Variants in CDC27 observed in about 807,000 individuals in gnomAD.
CDC27 encodes cell division cycle protein 27 homolog.
Under a neutral mutation model 109.7 loss-of-function variants are expected in CDC27, and 27 were observed. The observed-to-expected ratio is 0.25, with a 90% confidence interval of 0.18 to 0.34. CDC27 has a LOEUF of 0.34. CDC27 is among the 10% of genes least tolerant of loss of function. CDC27 has a pLI of 1.00. For synonymous variants in CDC27, 266 were observed against 333.9 expected (o/e 0.80, Z 2.22); for missense variants, 579 against 960.2 (o/e 0.60, Z 5.25).
At chr17:47,173,597 A>G (rs907963791) in intron 2 of CDC27, among the ~76,000 whole-genome samples, 4 of 152,184 alleles carry the variant, frequency 2.6e-5, no homozygotes, top group Admixed American at 2.6e-4. Flanking sequence ...TGCTGTCTCA[A>G]TTGTTTACAA....
intron 9 of CDC27, among the ~76,000 whole-genome samples, chr17:47,146,421 A>G (rs2062960902): frequency 6.6e-6 from 1 of 152,238 alleles, no homozygotes; most frequent in African/African-American, 2.4e-5. Flanking sequence ...AGTTAGCATC[A>G]GAATTACATT....
rs138789655 is a variant in CDC27, at chr17:47,154,760, G to C, written c.869C>G (p.Pro290Arg). 3.0e-5 allele frequency: 48 copies of C among 1,605,934 alleles called. No individual in the cohort carries two copies. The highest frequency in any genetic ancestry group is 8.5e-6 in the Non-Finnish European group (10 of 1,173,486). ...PSFGILPLET[P>R]SPGDGSYLQN... ...TAAATAGGATCCATCTCCAGGACTT[G>C]GGGTTTCTAATGGCAAAATCCCAAA... The change falls in exon 8 of 19, where the codon CCA becomes CGA. Residue 290 changes from proline (P) to arginine (R), a missense_variant. By Grantham distance (103) the Pro-to-Arg change is moderately radical. Transcript: ENST00000066544.
At chr17:47,165,905 A>G (rs933561580) in intron 4 of CDC27, among the ~76,000 whole-genome samples, 3 of 152,230 alleles carry the variant, frequency 2.0e-5, no homozygotes, top group Admixed American at 2.0e-4. Flanking sequence ...GCTAAAAAGG[A>G]TATCATTCCT....
At chr17:47,143,618 T>C (rs1317290407) in intron 10 of CDC27, among the ~76,000 whole-genome samples, 1 of 152,184 alleles carries the variant, frequency 6.6e-6, no homozygotes, top group Non-Finnish European at 1.5e-5. Flanking sequence ...CTGTTGTCCA[T>C]TCCTATAATT....
At chr17:47,146,629 C>A (rs528229881) in intron 9 of CDC27, among the ~76,000 whole-genome samples, 2 of 152,082 alleles carry the variant, frequency 1.3e-5, no homozygotes, top group Middle Eastern at 3.2e-3. Context: ...CAAGATTAGT[C>A]CAGACTAAGG....
chr17:47,143,830 T>C (rs1404627894), intron 10 of CDC27, 53 bp downstream of exon 10: 1 of 793,932 alleles, frequency 1.3e-6, no homozygotes, highest in Middle Eastern at 2.5e-4. Context: ...TGAACAGAAA[T>C]GTTAGCAGGC....
chr17:47,124,183 A>ACACACG (rs1352684807), intron 16 of CDC27, among the ~76,000 whole-genome samples: 4 of 151,026 alleles, frequency 2.6e-5, no homozygotes, highest in Admixed American at 2.6e-4. Flanking sequence ...CTGAAAACAC[A>ACACACG]CACACACACA....
In CDC27 at chr17:47,158,303, G is replaced by C. The variant is rs745362489; in HGVS notation, c.378C>G (p.Cys126Trp). ...FTLSLLGHVY[C>W]KTDRLAKGSE... ...ATCCTTTGGCAAGCCGATCTGTCTT[G>C]CTGTGGAGAGAAACAAGTAGATTAA... The change falls in exon 5 of 19, where the codon TGC becomes TGG. Residue 126 changes from cysteine (C) to tryptophan (W), a missense_variant and splice_region_variant. Coordinates refer to ENST00000066544, the MANE Select transcript of CDC27 (RefSeq NM_001256.6). 1 of 1,508,416 alleles carries C rather than the reference G, an allele frequency of 6.6e-7. No homozygotes were observed. The highest frequency in any genetic ancestry group is 2.2e-5 in the Admixed American group (1 of 46,448). 93.4% of individuals were successfully genotyped at this position (1,508,416 alleles called of 1,614,324 possible).
At chr17:47,158,162 A>G in intron 5 of CDC27, 44 bp downstream of exon 5, 1 of 768,100 alleles carries the variant, frequency 1.3e-6, no homozygotes, top group Non-Finnish European at 2.0e-6. Context: ...GAAAAAAAGA[A>G]GAGGAGATGG....
At chr17:47,169,164 A>AT (rs1445437802) in intron 4 of CDC27, among the ~76,000 whole-genome samples, 1 of 150,634 alleles carries the variant, frequency 6.6e-6, no homozygotes, top group Non-Finnish European at 1.5e-5. Context: ...CTAATTTTTT[A>AT]TTTTTTTGTA....
At chr17:47,125,102 A>T (rs1384125653) in intron 16 of CDC27, among the ~76,000 whole-genome samples, 1 of 151,452 alleles carries the variant, frequency 6.6e-6, no homozygotes, top group Non-Finnish European at 1.5e-5. Context: ...TATTTTTAGT[A>T]GAGATGGGGT....
At chr17:47,157,149 T>A in intron 6 of CDC27, 25 bp from the exon 7 acceptor site, 1 of 1,541,898 alleles carries the variant, frequency 6.5e-7, no homozygotes, top group Non-Finnish European at 8.8e-7. Flanking sequence ...TTCTACCAAG[T>A]CATTCACAAT....
chr17:47,153,742 TG>T (rs1318143508), intron 8 of CDC27, among the ~76,000 whole-genome samples: 2 of 152,148 alleles, frequency 1.3e-5, no homozygotes, highest in Non-Finnish European at 2.9e-5. Context: ...TTTTTAAAAA[TG>T]GTATTTTGGC....
chr17:47,157,740 A>G (rs1473902506), intron 5 of CDC27, among the ~76,000 whole-genome samples: 1 of 152,234 alleles, frequency 6.6e-6, no homozygotes, highest in Non-Finnish European at 1.5e-5. Context: ...CATATTTTAC[A>G]GTAAAGGTTG....
At chr17:47,186,632 A>C (rs1281321402) in intron 1 of CDC27, among the ~76,000 whole-genome samples, 1 of 152,228 alleles carries the variant, frequency 6.6e-6, no homozygotes, top group East Asian at 1.9e-4. Flanking sequence ...ATTCTGCCTC[A>C]TATGTGAGAC....
chr17:47,168,716 A>G (rs1567703179), intron 4 of CDC27, among the ~76,000 whole-genome samples: 1 of 152,196 alleles, frequency 6.6e-6, no homozygotes, highest in Non-Finnish European at 1.5e-5. Flanking sequence ...TGTTCGCAAG[A>G]GTGGTGTTAA....
At chr17:47,173,017 A>T (rs900198283) in intron 2 of CDC27, among the ~76,000 whole-genome samples, 5 of 152,178 alleles carry the variant, frequency 3.3e-5, no homozygotes, top group African/African-American at 1.2e-4. Context: ...ATACCCACTA[A>T]ATTAGTAATT....
At chr17:47,168,237 T>C (rs951815388) in intron 4 of CDC27, among the ~76,000 whole-genome samples, 1 of 152,122 alleles carries the variant, frequency 6.6e-6, no homozygotes, top group South Asian at 2.1e-4. Context: ...CCTGGGAGGT[T>C]GCGGGGTGGG....
At chr17:47,180,106 C>T (rs370796383) in intron 2 of CDC27, among the ~76,000 whole-genome samples, 6 of 151,982 alleles carry the variant, frequency 3.9e-5, no homozygotes, top group African/African-American at 7.2e-5. Flanking sequence ...CTAGCCTGGG[C>T]GACAGAGTGA....
Sources: gnomAD v4.1 joint callset for allele counts (sites outside exome capture counted in the v4.1 genomes callset) on GRCh38, gnomAD v4.1.1 for gene constraint, MANE v1.5 for transcripts, NCBI Gene and HGNC (gene_info 2026-07-23, HGNC 2026-07-21) for gene names.